SLC29A3: variants seen among roughly 807,000 people sequenced by gnomAD.
The protein encoded by SLC29A3 is solute carrier family 29 member 3, also known as equilibrative nucleoside transporter 3.
In SLC29A3, 18 loss-of-function variants were observed where a neutral mutation model predicts 25.4. The observed-to-expected ratio is 0.71, with a 90% confidence interval of 0.49 to 1.05. The LOEUF (loss-of-function observed/expected upper bound fraction) is 1.05, where lower values mean the gene tolerates loss of function less well. Ranked by LOEUF, SLC29A3 falls within the 50% of genes least tolerant of loss-of-function variation. SLC29A3 has a pLI of 0.00. For missense variants in SLC29A3, 586 were observed against 609.0 expected, an observed-to-expected ratio of 0.96 and a Z score of 0.40; for synonymous variants, 258 against 267.1, an observed-to-expected ratio of 0.97 and a Z score of 0.33.
intron 3 of SLC29A3, among the ~76,000 whole-genome samples, chr10:71,347,082 G>T (rs1217658432): frequency 6.6e-6 from 1 of 152,174 alleles, no homozygotes; most frequent in Non-Finnish European, 1.5e-5. Context: ...GCCTCCATCT[G>T]TTTCCAGGCT....
At chr10:71,363,808 C>CTTTTTTTTTTTT (rs71012277), downstream of SLC29A3, among the ~76,000 whole-genome samples, 90 of 103,720 alleles carry the variant, frequency 8.7e-4, 11 homozygotes, top group South Asian at 1.9e-3. Flanking sequence ...TTTCCTTTTT[C>CTTTTTTTTTTTT]TTTTCTTTTT....
chr10:71,358,512 C>T (rs1370000638), intron 5 of SLC29A3, among the ~76,000 whole-genome samples: 3 of 135,878 alleles, frequency 2.2e-5, no homozygotes, highest in Admixed American at 1.4e-4. Context: ...AGGCTGACGT[C>T]CCCGTGCTTC....
chr10:71,328,261 C>T (rs929960148), intron 2 of SLC29A3, among the ~76,000 whole-genome samples: 4 of 152,162 alleles, frequency 2.6e-5, no homozygotes, highest in Non-Finnish European at 5.9e-5. Flanking sequence ...CCAGGAGGTA[C>T]CCCAACACTC....
intron 4 of SLC29A3, chr10:71,352,459 C>G (rs2131840171): frequency 6.5e-6 from 1 of 153,010 alleles, no homozygotes. Flanking sequence ...TCCTCCCTTT[C>G]CTTCCCTCCT....
intron 1 of SLC29A3, among the ~76,000 whole-genome samples, chr10:71,321,065 A>G (rs186862226): frequency 1.1e-3 from 168 of 152,300 alleles, no homozygotes; most frequent in African/African-American, 3.9e-3. Context: ...TACCTAATAT[A>G]TTAGGCTGTT....
At chr10:71,366,920 G>C (rs1001556570), downstream of SLC29A3, among the ~76,000 whole-genome samples, 6 of 152,140 alleles carry the variant, frequency 3.9e-5, no homozygotes, top group African/African-American at 1.4e-4. Context: ...TATGCCTCTG[G>C]GCCTGAGTCA....
intron 2 of SLC29A3, among the ~76,000 whole-genome samples, chr10:71,330,967 G>A (rs1846104975): frequency 6.6e-6 from 1 of 152,040 alleles, no homozygotes; most frequent in Admixed American, 6.6e-5. Context: ...TACAAAGTAA[G>A]TGATGACTGG....
At chr10:71,366,801 G>A (rs994867975), downstream of SLC29A3, among the ~76,000 whole-genome samples, 5 of 152,212 alleles carry the variant, frequency 3.3e-5, no homozygotes, top group Admixed American at 3.3e-4. Context: ...CCAGTCGAAT[G>A]TGAACTGAGA....
At chr10:71,379,233 T>C (rs1847284122) in intron 4 of SLC29A3, among the ~76,000 whole-genome samples, 1 of 152,256 alleles carries the variant, frequency 6.6e-6, no homozygotes, top group South Asian at 2.1e-4. Flanking sequence ...ATTCCTCCTC[T>C]TCTCAGAGCA....
At chr10:71,327,094 A>G (rs1412397853) in intron 2 of SLC29A3, among the ~76,000 whole-genome samples, 1 of 152,044 alleles carries the variant, frequency 6.6e-6, no homozygotes, top group Non-Finnish European at 1.5e-5. Context: ...ACCACCTGCA[A>G]CTCAATTAGC....
intron 1 of SLC29A3, among the ~76,000 whole-genome samples, chr10:71,322,198 C>T (rs1845860770): frequency 6.6e-6 from 1 of 152,102 alleles, no homozygotes; most frequent in Admixed American, 6.5e-5. Context: ...CTTATGTAGC[C>T]TTCCAGAGAT....
chr10:71,333,009 C>A (rs1449395011), intron 2 of SLC29A3, among the ~76,000 whole-genome samples: 1 of 152,252 alleles, frequency 6.6e-6, no homozygotes, highest in African/African-American at 2.4e-5. Context: ...GATTTTATTT[C>A]TTCCTGCATA....
intron 3 of SLC29A3, among the ~76,000 whole-genome samples, chr10:71,346,795 G>GC (rs1329509855): frequency 5.3e-5 from 8 of 152,294 alleles, no homozygotes; most frequent in African/African-American, 1.9e-4. Flanking sequence ...ACCCACCCCT[G>GC]CCCCTGCAGG....
chr10:71,330,367 T>C (rs1342071662), intron 2 of SLC29A3, among the ~76,000 whole-genome samples: 1 of 152,210 alleles, frequency 6.6e-6, no homozygotes, highest in African/African-American at 2.4e-5. Flanking sequence ...CTGACCCAGC[T>C]GGGTAACCTC....
At chr10:71,367,384 G>A (rs533665102), downstream of SLC29A3, among the ~76,000 whole-genome samples, 10 of 152,182 alleles carry the variant, frequency 6.6e-5, no homozygotes, top group Admixed American at 4.6e-4. Flanking sequence ...CACCATCTGT[G>A]TGAGTCAACC....
At chr10:71,369,586 G>A (rs948421693) in intron 3 of SLC29A3, among the ~76,000 whole-genome samples, 5 of 152,186 alleles carry the variant, frequency 3.3e-5, no homozygotes, top group Non-Finnish European at 5.9e-5. Flanking sequence ...GTTTGCTAAG[G>A]AGATCAGAGT....
At chr10:71,321,233 C>T (rs1370607758) in intron 1 of SLC29A3, among the ~76,000 whole-genome samples, 2 of 152,152 alleles carry the variant, frequency 1.3e-5, no homozygotes, top group Non-Finnish European at 2.9e-5. Context: ...ATGTTTTCTG[C>T]CCTGCCTAAT....
chr10:71,332,685 T>TA (rs1671507036), intron 2 of SLC29A3, among the ~76,000 whole-genome samples: 1 of 152,074 alleles, frequency 6.6e-6, no homozygotes, highest in African/African-American at 2.4e-5. Context: ...ACACCATTTT[T>TA]AAAAATTAGA....
intron 2 of SLC29A3, among the ~76,000 whole-genome samples, chr10:71,342,969 C>T (rs941267429): frequency 2.6e-5 from 4 of 152,142 alleles, no homozygotes; most frequent in African/African-American, 9.7e-5. Flanking sequence ...CAAAGGGGCC[C>T]ATGACATCTT....
Sources: gnomAD v4.1 joint callset for allele counts (sites outside exome capture counted in the v4.1 genomes callset) on GRCh38, gnomAD v4.1.1 for gene constraint, MANE v1.5 for transcripts, NCBI Gene and HGNC (gene_info 2026-07-23, HGNC 2026-07-21) for gene names.